SEMA5A: variants seen among roughly 807,000 people sequenced by gnomAD.
The protein encoded by SEMA5A is semaphorin-5A.
Under a neutral mutation model 135.5 loss-of-function variants are expected in SEMA5A, and 55 were observed. The observed-to-expected ratio is 0.41, with a 90% CI of 0.33 to 0.51. The LOEUF (loss-of-function observed/expected upper bound fraction) is 0.51, where lower values mean the gene tolerates loss of function less well. Ranked by LOEUF, SEMA5A falls within the 20% of genes least tolerant of loss-of-function variation. The probability of loss-of-function intolerance (pLI) is 0.37; values close to 1 mark genes in which losing one functional copy is unlikely to be tolerated. For synonymous variants in SEMA5A, 580 were observed against 546.5 expected (o/e 1.06, Z -0.85); for missense variants, 1,290 against 1,419.9 (o/e 0.91, Z 1.47).
intron 22 of SEMA5A, among the ~76,000 whole-genome samples, chr5:9,043,537 C>T (rs939869074): frequency 6.6e-6 from 1 of 152,098 alleles, no homozygotes; most frequent in South Asian, 2.1e-4. Flanking sequence ...TCACTGTAGC[C>T]ATTTTCTATT....
chr5:9,236,562 C>T (rs1379585567), intron 6 of SEMA5A, among the ~76,000 whole-genome samples: 1 of 152,160 alleles, frequency 6.6e-6, no homozygotes, highest in East Asian at 1.9e-4. Context: ...ATAGGGGTCC[C>T]CGATGTGTGG....
chr5:9,062,627 G>A (rs902806868), intron 18 of SEMA5A, among the ~76,000 whole-genome samples: 1 of 152,018 alleles, frequency 6.6e-6, no homozygotes, highest in African/African-American at 2.4e-5. Context: ...TAACATACTT[G>A]GCTAATTTTT....
chr5:9,346,892 ATGTG>A (rs3086551), intron 3 of SEMA5A, among the ~76,000 whole-genome samples: 5 of 149,362 alleles, frequency 3.3e-5, no homozygotes, highest in South Asian at 2.2e-4. Flanking sequence ...GTATATATAT[ATGTG>A]TGTGTGTGTG....
At chr5:9,316,311 A>G (rs563887859) in intron 5 of SEMA5A, among the ~76,000 whole-genome samples, 2 of 152,312 alleles carry the variant, frequency 1.3e-5, no homozygotes, top group South Asian at 4.1e-4. Context: ...AGATTAAGTC[A>G]CTTCTCAAAA....
chr5:9,224,476 G>A (rs1004380748), intron 8 of SEMA5A, among the ~76,000 whole-genome samples, 198 bp downstream of exon 8: 5 of 151,762 alleles, frequency 3.3e-5, no homozygotes, highest in African/African-American at 7.3e-5. Flanking sequence ...AGAGTGTTGC[G>A]AATATCACTT....
chr5:9,229,096 G>A (rs1419670533), intron 6 of SEMA5A, among the ~76,000 whole-genome samples: 1 of 152,132 alleles, frequency 6.6e-6, no homozygotes, highest in Non-Finnish European at 1.5e-5. Context: ...GGCTCAGATT[G>A]GCTTCTAAAT....
At chr5:9,201,332 C>A (rs1188506181) in intron 9 of SEMA5A, among the ~76,000 whole-genome samples, 1 of 152,156 alleles carries the variant, frequency 6.6e-6, no homozygotes, top group East Asian at 1.9e-4. Context: ...CTTAAGACAG[C>A]CGAAATATTG....
In SEMA5A at chr5:9,467,804, G is replaced by A. The variant is rs1456636014; in HGVS notation, c.-174-29952C>T. On this transcript the variant is annotated intron_variant, in intron 1 of 22. Transcript: ENST00000382496. ...AGCGTGGGTCTGGCGTCCTGCCTGC[G>A]GGAGGCTGGTTCCTTGTGCAGAATT... is the stretch of plus-strand genomic sequence containing the variant. Among the ~76,000 whole-genome samples, 5 of 152,274 alleles carry A rather than the reference G, an allele frequency of 3.3e-5. No homozygotes were observed. The East Asian group carries it at 5.8e-4, about 18-fold the overall frequency.
At chr5:9,263,075 A>C (rs932975807) in intron 5 of SEMA5A, among the ~76,000 whole-genome samples, 26 of 151,546 alleles carry the variant, frequency 1.7e-4, no homozygotes, top group Non-Finnish European at 1.5e-5. Context: ...CTCTGCCAAC[A>C]AAAAATCGGT....
chr5:9,470,561 C>T (rs1296530812), intron 1 of SEMA5A, among the ~76,000 whole-genome samples: 1 of 152,218 alleles, frequency 6.6e-6, no homozygotes, highest in African/African-American at 2.4e-5. Context: ...GCTGTCCAGT[C>T]TTCCTCCCAC....
chr5:9,398,500 G>A (rs1036370454), intron 2 of SEMA5A, among the ~76,000 whole-genome samples: 3 of 152,202 alleles, frequency 2.0e-5, no homozygotes, highest in African/African-American at 7.2e-5. Context: ...AACAGAAAAG[G>A]TTATAGCAAG....
At chr5:9,356,053 T>C (rs748995806) in intron 3 of SEMA5A, among the ~76,000 whole-genome samples, 2 of 152,166 alleles carry the variant, frequency 1.3e-5, no homozygotes, top group Admixed American at 6.5e-5. Flanking sequence ...TTGGATTCTG[T>C]TTCTACTGAC....
intron 4 of SEMA5A, among the ~76,000 whole-genome samples, chr5:9,328,360 C>T (rs73742643): frequency 0.021 from 3,184 of 152,290 alleles, 105 homozygotes; most frequent in African/African-American, 0.071. Context: ...ATATGGTGGA[C>T]GTATCTTCCT....
At chr5:9,348,815 A>T (rs1297197950) in intron 3 of SEMA5A, among the ~76,000 whole-genome samples, 1 of 152,244 alleles carries the variant, frequency 6.6e-6, no homozygotes, top group Admixed American at 6.5e-5. Context: ...ATTCGCCACC[A>T]GATAACGACA....
intron 13 of SEMA5A, among the ~76,000 whole-genome samples, chr5:9,135,435 C>T (rs1301256351): frequency 6.6e-6 from 1 of 151,922 alleles, no homozygotes; most frequent in African/African-American, 2.4e-5. Context: ...CCTGCCTCGG[C>T]CTCCCAAAGT....
In SEMA5A at chr5:9,255,394, T is replaced by A. The variant is rs565642578; in HGVS notation, c.271-17504A>T. Reference sequence around the variant, plus strand: ...GTATGATTAAGGATGAGGACCCTCATGTGAAATAGCTTTGTTGAGCGTGAG... The same window carrying A: ...GTATGATTAAGGATGAGGACCCTCAAGTGAAATAGCTTTGTTGAGCGTGAG... On this transcript the variant is annotated intron_variant, in intron 5 of 22. Transcript: ENST00000382496. 2.0e-5 allele frequency among the ~76,000 whole-genome samples: 3 copies of A among 152,310 alleles called. No individual in the cohort carries two copies. In the East Asian group the frequency reaches 5.8e-4, roughly 30 times the overall value.
intron 5 of SEMA5A, among the ~76,000 whole-genome samples, chr5:9,239,726 A>G (rs1748100156): frequency 6.6e-6 from 1 of 152,160 alleles, no homozygotes; most frequent in Middle Eastern, 3.4e-3. Flanking sequence ...AGGTTTCAGT[A>G]TTACATATCA....
rs1448634150 is a variant in SEMA5A at position 9,221,346 on chromosome 5, A to C, written c.646+3328T>G. Among the ~76,000 whole-genome samples, 16 of 125,786 alleles carry C rather than the reference A, an allele frequency of 1.3e-4. 1 individual carries two copies. In the Admixed American group the frequency reaches 1.4e-3, roughly 11 times the overall value. 82.5% of individuals were successfully genotyped at this position (125,786 alleles called of 152,430 possible). A position where few individuals can be genotyped will look rare whatever the true frequency, so the allele number is the denominator to read the frequency against. On this transcript the variant is annotated intron_variant, in intron 8 of 22. Coordinates refer to ENST00000382496, the MANE Select transcript of SEMA5A (RefSeq NM_003966.3). Reference sequence around the variant, plus strand: ...GAGACGGAGTCTCGCTGTGTCACCCAGGCTGGAGTGCAGTGGCGCGATCTC... The same window carrying C: ...GAGACGGAGTCTCGCTGTGTCACCCCGGCTGGAGTGCAGTGGCGCGATCTC...
intron 12 of SEMA5A, among the ~76,000 whole-genome samples, chr5:9,153,279 T>C (rs1452437618): frequency 6.6e-6 from 1 of 152,158 alleles, no homozygotes; most frequent in Admixed American, 6.5e-5. Flanking sequence ...CCTAAGAACA[T>C]TTAAGATTCT....
Sources: gnomAD v4.1 joint callset for allele counts (sites outside exome capture counted in the v4.1 genomes callset) on GRCh38, gnomAD v4.1.1 for gene constraint, MANE v1.5 for transcripts, NCBI Gene and HGNC (gene_info 2026-07-23, HGNC 2026-07-21) for gene names.